NOP2: variants seen among roughly 807,000 people sequenced by gnomAD.
NOP2 encodes 28S rRNA (cytosine(4447)-C(5))-methyltransferase.
In NOP2, 7 loss-of-function variants were observed where a neutral mutation model predicts 72.7. The observed-to-expected ratio is 0.10, with a 90% CI of 0.05 to 0.18. The LOEUF (loss-of-function observed/expected upper bound fraction) is 0.18. NOP2 is among the 10% of genes least tolerant of loss of function. The pLI, the probability that NOP2 is intolerant of heterozygous loss-of-function variation, is 1.00. For missense variants in NOP2, 954 were observed against 1,014.7 expected (o/e 0.94, Z 0.81); for synonymous variants, 387 against 388.0 (o/e 1.00, Z 0.03).
chr12:6,556,934 A>G lies in NOP2; in HGVS notation c.*59T>C. The G allele has an allele frequency of 6.3e-7, 1 of 1,588,524 alleles. No individual in the cohort carries two copies. ...CACAGTAGAGAAGGCATCCTCACAGAGGCAAGAGTTCCAACCTGGTGACAA... is the reference window on the plus strand; with the variant it reads ...CACAGTAGAGAAGGCATCCTCACAGGGGCAAGAGTTCCAACCTGGTGACAA... On this transcript the variant is annotated 3_prime_UTR_variant, in exon 16 of 16. Coordinates refer to ENST00000322166, the MANE Select transcript of NOP2 (RefSeq NM_001258308.2).
chr12:6,566,713 A>C (rs1366658246), intron 3 of NOP2, 64 bp downstream of exon 3: 1 of 1,588,442 alleles, frequency 6.3e-7, no homozygotes, highest in East Asian at 2.2e-5. Flanking sequence ...GTCTAGAATT[A>C]ACTCTGTGGT....
At chr12:6,564,961 A>C (rs1947741058) in intron 5 of NOP2, among the ~76,000 whole-genome samples, 1 of 151,998 alleles carries the variant, frequency 6.6e-6, no homozygotes, top group Non-Finnish European at 1.5e-5. Context: ...CAAACCTAAT[A>C]ATGACCCTGT....
Position 6,560,893 on chromosome 12 carries a change from C to T in NOP2, c.1347+38G>A, listed in dbSNP as rs760127816. On this transcript the variant is annotated intron_variant, in intron 12 of 15. Transcript: ENST00000322166. The surrounding 1 kb of genome is among the most constrained non-coding windows in gnomAD (Gnocchi z 5.0). The stretch of plus-strand genomic sequence containing the variant: ...GAGGTCAGGAAGGGAGAAGGTCAAC[C>T]GGAAGAAGCCTCAGAAGACACACAG... 3.1e-5 allele frequency: 50 copies of T among 1,612,460 alleles called. No individual in the cohort carries two copies. The highest frequency in any genetic ancestry group is 4.0e-5 in the Non-Finnish European group (47 of 1,179,068).
At chr12:6,559,280 A>G (rs1009239827) in intron 15 of NOP2, among the ~76,000 whole-genome samples, 1 of 152,244 alleles carries the variant, frequency 6.6e-6, no homozygotes, top group East Asian at 1.9e-4. Context: ...CACCAAGCTC[A>G]GCTAATTTTT....
chr12:6,566,910 G>A (rs1411476374), intron 2 of NOP2, 88 bp from the exon 3 acceptor site: 9 of 1,042,824 alleles, frequency 8.6e-6, no homozygotes, highest in South Asian at 2.8e-5. Context: ...AAGAGAATTA[G>A]TACACTAATT....
chr12:6,558,164 A>AAAAAAAAAAAC (rs1947551823), intron 15 of NOP2: 1 of 384,620 alleles, frequency 2.6e-6, no homozygotes, highest in East Asian at 8.8e-5. Flanking sequence ...AAAAAAAAAA[A>AAAAAAAAAAAC]ATCACTGCCT....
chr12:6,558,135 C>G, intron 15 of NOP2: 1 of 252,802 alleles, frequency 4.0e-6, no homozygotes, highest in Non-Finnish European at 6.8e-6. Flanking sequence ...AGCAAGACAC[C>G]GTCTCAAAAA....
intron 15 of NOP2, among the ~76,000 whole-genome samples, chr12:6,558,928 A>G (rs1277889781): frequency 1.3e-5 from 2 of 152,162 alleles, no homozygotes; most frequent in African/African-American, 4.8e-5. Flanking sequence ...CGGGATAATT[A>G]AAATATGTAC....
At chr12:6,565,499 C>A (rs1288734067) in intron 5 of NOP2, among the ~76,000 whole-genome samples, 3 of 152,116 alleles carry the variant, frequency 2.0e-5, no homozygotes, top group African/African-American at 7.2e-5. Flanking sequence ...TACCACCACA[C>A]CAGCTAATTT....
intron 5 of NOP2, among the ~76,000 whole-genome samples, chr12:6,565,155 A>ATTT (rs34342403): frequency 2.1e-4 from 28 of 136,010 alleles, no homozygotes; most frequent in South Asian, 1.6e-3. Context: ...GGAAGCAGTT[A>ATTT]TTTTTTTTTT....
chr12:6,563,569 C>T (rs968276304), intron 7 of NOP2, 45 bp downstream of exon 7: 41 of 1,608,546 alleles, frequency 2.5e-5, no homozygotes, highest in Non-Finnish European at 3.2e-5. Context: ...AATCCCTCTC[C>T]CAACCACCTT....
intron 15 of NOP2, among the ~76,000 whole-genome samples, chr12:6,558,421 A>G (rs1947562096): frequency 1.3e-5 from 2 of 150,496 alleles, no homozygotes; most frequent in South Asian, 4.2e-4. Context: ...GTGCGCCACC[A>G]TGTCCGGCTA....
rs869220261 is a variant in NOP2, at chr12:6,558,610, C to CT, written c.1790-969dup. Among the ~76,000 whole-genome samples the CT allele has an allele frequency of 7.0e-3, 936 of 133,914 alleles. 5 individuals are homozygous for CT. The highest frequency in any genetic ancestry group is 8.9e-3 in the African/African-American group (325 of 36,360). The allele number at this position is 133,914 out of a possible 152,430, so 87.9% of individuals were successfully genotyped here. ...ATTTGAAGCACTAGGCTTTATTTATCTTTTTTTTTTTTTTTTTGAGGTAGA... is the reference window on the plus strand; with the variant it reads ...ATTTGAAGCACTAGGCTTTATTTATCTTTTTTTTTTTTTTTTTTGAGGTAGA... On this transcript the variant is annotated intron_variant, in intron 15 of 15. Coordinates refer to ENST00000322166, the MANE Select transcript of NOP2 (RefSeq NM_001258308.2).
In NOP2 at chr12:6,566,566, A is replaced by C; in HGVS notation, c.201T>G (p.Ser67=). ...TTCCAGGCAATGGTTTGGCCTCAGG[A>C]GACTTATTTGTCTTAGGGGCTTCAA... ...GSVEAPKTNK[S]PEAKPLPGKL... The change falls in exon 4 of 16, where the codon TCT becomes TCG. Residue 67 remains serine, a synonymous_variant. Coordinates refer to ENST00000322166, the MANE Select transcript of NOP2 (RefSeq NM_001258308.2). 6.2e-7 allele frequency: 1 copy of C among 1,613,996 alleles called. No individual in the cohort carries two copies. The highest frequency in any genetic ancestry group is 8.5e-7 in the Non-Finnish European group (1 of 1,179,896).
intron 5 of NOP2, 153 bp downstream of exon 5, chr12:6,565,948 G>T: frequency 1.6e-6 from 1 of 637,440 alleles, no homozygotes; most frequent in Non-Finnish European, 2.8e-6. Context: ...TGCACTGGGA[G>T]GATATAAGGC....
intron 9 of NOP2, 48 bp from the exon 10 acceptor site, chr12:6,562,019 C>CA: frequency 7.4e-7 from 1 of 1,346,234 alleles, no homozygotes; most frequent in Middle Eastern, 2.0e-4. Context: ...GATGGAGTCT[C>CA]ACTCTGTTGC....
At position 6,563,616 on chromosome 12, in the gene NOP2, T is replaced by A. The variant is rs747054702; in HGVS notation, c.686A>T (p.Gln229Leu). 1 of 1,611,182 alleles carries A rather than the reference T, an allele frequency of 6.2e-7. No homozygotes were observed. The highest frequency in any genetic ancestry group is 1.7e-5 in the Admixed American group (1 of 59,808). ...FVLPPAGEME[Q>L]DAQAPDLQRV... ...TTCACTCTGCCCTGCAAGGATATCC[T>A]GCTCCATCTCCCCAGCAGGGGGCAG... Residue 229 changes from glutamine to leucine, a missense_variant and splice_region_variant, in exon 7 of 16, where the codon CAG becomes CTG. Gln to Leu is a moderately radical substitution (Grantham distance 113). Transcript: ENST00000322166.
At chr12:6,559,012 C>A (rs1047907580) in intron 15 of NOP2, among the ~76,000 whole-genome samples, 1 of 152,142 alleles carries the variant, frequency 6.6e-6, no homozygotes, top group African/African-American at 2.4e-5. Context: ...GGCTGAAATG[C>A]AATAGCGTGA....
At chr12:6,564,186 G>A in intron 5 of NOP2, 1 of 1,188,788 alleles carries the variant, frequency 8.4e-7, no homozygotes, top group Non-Finnish European at 1.1e-6. Flanking sequence ...TGAGGCAGGA[G>A]AATTGCTTGA....
Sources: allele counts gnomAD v4.1 joint callset (sites outside exome capture counted in the v4.1 genomes callset), GRCh38; gene constraint gnomAD v4.1.1; non-coding constraint Gnocchi (gnomAD v3.1); transcripts MANE v1.5; gene names NCBI Gene and HGNC (gene_info 2026-07-23, HGNC 2026-07-21).